RTN4IP1: variants seen among roughly 807,000 people sequenced by gnomAD.
RTN4IP1 encodes the protein NAD(P)H oxidoreductase RTN4IP1, mitochondrial.
RTN4IP1 carries 32 observed loss-of-function variants against 46.6 expected under a neutral mutation model. That is an observed-to-expected ratio of 0.69 (90% confidence interval 0.52 to 0.92). The LOEUF (loss-of-function observed/expected upper bound fraction) is 0.92, where lower values mean the gene tolerates loss of function less well. RTN4IP1 is among the 40% of genes least tolerant of loss of function. The pLI, the probability that RTN4IP1 is intolerant of heterozygous loss-of-function variation, is 0.00. For synonymous variants in RTN4IP1, 167 were observed against 161.8 expected (o/e 1.03, Z -0.24); for missense variants, 424 against 485.8 (o/e 0.87, Z 1.20).
chr6:106,619,296 T>C lies in RTN4IP1; in HGVS notation c.526A>G (p.Thr176Ala), dbSNP rs1205196452. ...ACATATGGCAAAGAGGCAGCTTGAG[T>C]ATGAGTGAGTGATTTGGGTTTGTGA... Reference protein sequence around the residue: ...VSHKPKSLTHTQAASLPYVAL... With the variant: ...VSHKPKSLTHAQAASLPYVAL... Residue 176 changes from threonine (T) to alanine (A), a missense_variant, in exon 4 of 9, where the codon ACT becomes GCT. Physicochemically the swap from Thr to Ala is moderately conservative, Grantham distance 58. Coordinates refer to ENST00000369063, the MANE Select transcript of RTN4IP1 (RefSeq NM_032730.5). 6.2e-7 allele frequency: 1 copy of C among 1,614,096 alleles called. No homozygotes were observed. The highest frequency in any genetic ancestry group is 8.5e-7 in the Non-Finnish European group (1 of 1,180,018).
chr6:106,622,003 T>C (rs1776496956), intron 2 of RTN4IP1, among the ~76,000 whole-genome samples: 1 of 152,122 alleles, frequency 6.6e-6, no homozygotes, highest in Non-Finnish European at 1.5e-5. Flanking sequence ...ATCTCATCCA[T>C]AAGGCAGAAA....
chr6:106,595,309 T>C (rs1296025787), intron 5 of RTN4IP1, among the ~76,000 whole-genome samples: 1 of 152,148 alleles, frequency 6.6e-6, no homozygotes, highest in Non-Finnish European at 1.5e-5. Context: ...TCTGATTCCA[T>C]TTCAATCCCT....
chr6:106,619,606 A>ATTTTT (rs869120910), intron 3 of RTN4IP1, among the ~76,000 whole-genome samples: 5 of 110,468 alleles, frequency 4.5e-5, no homozygotes, highest in South Asian at 2.8e-4. Flanking sequence ...ACTTTTCTTC[A>ATTTTT]TTTTTTTTTT....
chr6:106,586,382 GT>G (rs898768421), intron 7 of RTN4IP1, among the ~76,000 whole-genome samples: 1 of 147,824 alleles, frequency 6.8e-6, no homozygotes, highest in African/African-American at 2.5e-5. Flanking sequence ...AATAGAATTT[GT>G]TTTTTTTTTG....
At chr6:106,599,084 T>G (rs886877573) in intron 5 of RTN4IP1, among the ~76,000 whole-genome samples, 3 of 152,032 alleles carry the variant, frequency 2.0e-5, no homozygotes, top group Non-Finnish European at 4.4e-5. Flanking sequence ...TAACTTGCTT[T>G]GAAATAGTAG....
At chr6:106,595,255 C>T (rs1775755063) in intron 5 of RTN4IP1, among the ~76,000 whole-genome samples, 1 of 152,174 alleles carries the variant, frequency 6.6e-6, no homozygotes. Flanking sequence ...GTCGCTCTGT[C>T]CTCTGTATTT....
intron 5 of RTN4IP1, among the ~76,000 whole-genome samples, chr6:106,593,492 T>G (rs1775712867): frequency 6.6e-6 from 1 of 152,204 alleles, no homozygotes. Flanking sequence ...TTATAGATCA[T>G]AAGAGATCAC....
intron 7 of RTN4IP1, among the ~76,000 whole-genome samples, chr6:106,585,710 T>C (rs150762439): frequency 6.6e-6 from 1 of 152,184 alleles, no homozygotes; most frequent in Non-Finnish European, 1.5e-5. Flanking sequence ...TTTAACTACG[T>C]GCACAATCAG....
intron 4 of RTN4IP1, among the ~76,000 whole-genome samples, chr6:106,618,314 GT>G (rs1428387832): frequency 6.6e-6 from 1 of 152,138 alleles, no homozygotes; most frequent in Non-Finnish European, 1.5e-5. Flanking sequence ...ATTTATTATA[GT>G]TTGACCTACA....
chr6:106,598,777 T>C (rs1029411015), intron 5 of RTN4IP1, among the ~76,000 whole-genome samples: 13 of 151,452 alleles, frequency 8.6e-5, no homozygotes, highest in Non-Finnish European at 4.4e-5. Flanking sequence ...TGCCCATGCC[T>C]ATGTCCTGAA....
At chr6:106,574,128 T>C (rs1775158533) in intron 8 of RTN4IP1, among the ~76,000 whole-genome samples, 1 of 152,166 alleles carries the variant, frequency 6.6e-6, no homozygotes, top group East Asian at 1.9e-4. Flanking sequence ...GTGGACTGCA[T>C]TAATGTTGCA....
intron 6 of RTN4IP1, among the ~76,000 whole-genome samples, chr6:106,588,455 G>C (rs779814039): frequency 6.6e-6 from 1 of 152,120 alleles, no homozygotes; most frequent in Non-Finnish European, 1.5e-5. Flanking sequence ...TCTATCATTT[G>C]GTTTCAGGTA....
chr6:106,594,395 G>C (rs1028712802), intron 5 of RTN4IP1, among the ~76,000 whole-genome samples: 4 of 152,144 alleles, frequency 2.6e-5, no homozygotes, highest in Admixed American at 1.3e-4. Context: ...TGTGGTCCCA[G>C]CTACTCAGGA....
intron 6 of RTN4IP1, among the ~76,000 whole-genome samples, chr6:106,588,173 T>C (rs1775531324): frequency 2.0e-5 from 3 of 152,092 alleles, no homozygotes; most frequent in Non-Finnish European, 4.4e-5. Context: ...TTTGGCTCAC[T>C]ACAATGCACA....
intron 8 of RTN4IP1, among the ~76,000 whole-genome samples, chr6:106,580,363 G>T (rs183296174): frequency 6.6e-6 from 1 of 152,004 alleles, no homozygotes; most frequent in East Asian, 1.9e-4. Flanking sequence ...TAGAAGGTAG[G>T]CCACAAGATA....
chr6:106,592,641 T>C (rs1378997602), intron 5 of RTN4IP1, among the ~76,000 whole-genome samples: 3 of 152,056 alleles, frequency 2.0e-5, no homozygotes, highest in African/African-American at 7.2e-5. Flanking sequence ...AGCCTCAAAT[T>C]TGCCAAGTGC....
chr6:106,615,408 C>CA (rs146479112), intron 4 of RTN4IP1, among the ~76,000 whole-genome samples: 5,002 of 150,528 alleles, frequency 0.033, 267 homozygotes, highest in East Asian at 0.19. Flanking sequence ...AACCTAATAT[C>CA]AAAAAAAAAG....
chr6:106,610,068 T>A (rs79001663), intron 4 of RTN4IP1, among the ~76,000 whole-genome samples: 6 of 99,246 alleles, frequency 6.0e-5, no homozygotes, highest in Middle Eastern at 5.5e-3. Flanking sequence ...GCAAAATAAA[T>A]TTTTTTTTTT....
chr6:106,571,973 C>T lies in RTN4IP1; in HGVS notation c.*23G>A. On this transcript the variant is annotated 3_prime_UTR_variant, in exon 9 of 9. Coordinates refer to ENST00000369063, the MANE Select transcript of RTN4IP1 (RefSeq NM_032730.5). ...GGCACTCACCAAATAAGAACGTCAA[C>T]AATCACTAAACTGCATTTTTATTTA... The T allele has an allele frequency of 1.9e-6, 3 of 1,575,482 alleles. No individual in the cohort carries two copies. The highest frequency in any genetic ancestry group is 2.6e-6 in the Non-Finnish European group (3 of 1,146,296).
Sources: gnomAD v4.1 joint callset for allele counts (sites outside exome capture counted in the v4.1 genomes callset) on GRCh38, gnomAD v4.1.1 for gene constraint, MANE v1.5 for transcripts, NCBI Gene and HGNC (gene_info 2026-07-23, HGNC 2026-07-21) for gene names.